NUCKS1: variants seen among roughly 807,000 people sequenced by gnomAD.
The protein encoded by NUCKS1 is nuclear ubiquitous casein and cyclin-dependent kinase substrate 1.
In NUCKS1, 2 loss-of-function variants were observed where a neutral mutation model predicts 33.0. That is an observed-to-expected ratio of 0.06 (90% CI 0.02 to 0.19). NUCKS1 has a LOEUF of 0.19. Among genes scored for constraint, NUCKS1 ranks in the 10% least tolerant of loss-of-function variants. The pLI is 1.00. For missense variants in NUCKS1, 201 were observed against 293.6 expected (o/e 0.68, Z 2.31); for synonymous variants, 106 against 102.8 (o/e 1.03, Z -0.19).
At chr1:205,742,954 T>C (rs1418489257) in intron 1 of NUCKS1, among the ~76,000 whole-genome samples, 1 of 152,178 alleles carries the variant, frequency 6.6e-6, no homozygotes, top group Non-Finnish European at 1.5e-5. Context: ...GAATTTAGAG[T>C]AATACGGTCA....
chr1:205,724,410 T>C (rs1362640942), intron 3 of NUCKS1, among the ~76,000 whole-genome samples: 1 of 152,192 alleles, frequency 6.6e-6, no homozygotes, highest in Non-Finnish European at 1.5e-5. Context: ...AAAGGAACTG[T>C]AGTCCGGGCG....
chr1:205,727,989 G>A (rs1423865482), intron 2 of NUCKS1, among the ~76,000 whole-genome samples, 184 bp from the exon 3 acceptor site: 2 of 151,712 alleles, frequency 1.3e-5, no homozygotes, highest in South Asian at 2.1e-4. Context: ...CCTTCACTTC[G>A]TTTTTGCATA....
intron 1 of NUCKS1, among the ~76,000 whole-genome samples, chr1:205,734,005 A>G (rs1377270257): frequency 2.0e-5 from 3 of 152,078 alleles, no homozygotes; most frequent in African/African-American, 7.2e-5. Context: ...TTGTGGAACT[A>G]CAGAAAGGCA....
intron 1 of NUCKS1, 88 bp downstream of exon 1, chr1:205,749,869 G>C: frequency 7.1e-7 from 1 of 1,400,542 alleles, no homozygotes; most frequent in South Asian, 1.2e-5. Flanking sequence ...ACCGGGGATG[G>C]CGGACTCTAG....
At chr1:205,741,027 C>T (rs1012489493) in intron 1 of NUCKS1, among the ~76,000 whole-genome samples, 3 of 151,548 alleles carry the variant, frequency 2.0e-5, no homozygotes, top group Non-Finnish European at 4.4e-5. Context: ...CACGGCCGGG[C>T]GCGGTGGCTC....
At chr1:205,730,083 T>C (rs1653872086) in intron 1 of NUCKS1, among the ~76,000 whole-genome samples, 1 of 152,028 alleles carries the variant, frequency 6.6e-6, no homozygotes, top group Admixed American at 6.5e-5. Flanking sequence ...AGACAGGGTG[T>C]CACTCTGTCG....
chr1:205,732,642 G>A lies in NUCKS1; in HGVS notation c.18-3021C>T, dbSNP rs569132826. 1.4e-4 allele frequency among the ~76,000 whole-genome samples: 22 copies of A among 151,980 alleles called. No homozygotes were observed. In the South Asian group the frequency reaches 4.0e-3, roughly 27 times the overall value. On this transcript the variant is annotated intron_variant, in intron 1 of 6. Coordinates refer to ENST00000367142, the MANE Select transcript of NUCKS1 (RefSeq NM_022731.5). The stretch of plus-strand genomic sequence containing the variant: ...GTAAAAGTACAAAAATTAGCTGGGC[G>A]TGGTGGTGCGTGCCTGTAGTGCCAG...
chr1:205,716,973 C>T lies in NUCKS1; in HGVS notation c.*1307G>A, dbSNP rs900853124. On this transcript the variant is annotated 3_prime_UTR_variant, in exon 7 of 7. Transcript: ENST00000367142. The stretch of plus-strand genomic sequence containing the variant: ...AAGAGCTAACTGAATTGTATGGGAG[C>T]AGCATTTAACATATTCCTAGTCAAG... 1 of 152,136 alleles carries T rather than the reference C, an allele frequency of 6.6e-6. No homozygotes were observed. Among genetic ancestry groups the T allele is most frequent in the Admixed American group, 6.5e-5 (1 of 15,272 alleles). The allele number at this position is 152,136 out of a possible 1,614,324, so 9.4% of individuals were successfully genotyped here.
chr1:205,732,160 AAGG>A (rs1194581504), intron 1 of NUCKS1, among the ~76,000 whole-genome samples: 2 of 152,220 alleles, frequency 1.3e-5, no homozygotes, highest in Non-Finnish European at 2.9e-5. Context: ...CAAGGCTCTT[AAGG>A]AGTTCCACCT....
Position 205,717,354 on chromosome 1 carries a change from C to T in NUCKS1, c.*926G>A, listed in dbSNP as rs1476538516. The T allele has an allele frequency of 1.0e-6, 1 of 986,178 alleles. No individual in the cohort carries two copies. The highest frequency in any genetic ancestry group is 6.2e-5 in the Admixed American group (1 of 16,180). The allele number at this position is 986,178 out of a possible 1,614,324, so 61.1% of individuals were successfully genotyped here. On this transcript the variant is annotated 3_prime_UTR_variant, in exon 7 of 7. Transcript: ENST00000367142. ...AACATTGTCAGTTTGAAAAGAAATCCACTGTGACCTGTAGACTGATCTTGT... is the reference window on the plus strand; with the variant it reads ...AACATTGTCAGTTTGAAAAGAAATCTACTGTGACCTGTAGACTGATCTTGT...
At position 205,717,640 on chromosome 1, in the gene NUCKS1, C is replaced by G; in HGVS notation, c.*640G>C. The G allele has an allele frequency of 1.0e-6, 1 of 985,242 alleles. No individual in the cohort carries two copies. Among genetic ancestry groups the G allele is most frequent in the Non-Finnish European group, 1.2e-6 (1 of 829,926 alleles). The allele number at this position is 985,242 out of a possible 1,614,324, so 61.0% of individuals were successfully genotyped here. On this transcript the variant is annotated 3_prime_UTR_variant, in exon 7 of 7. Coordinates refer to ENST00000367142, the MANE Select transcript of NUCKS1 (RefSeq NM_022731.5). ...TCAGGTAACCCCATTGCCCACCCTC[C>G]CTACAAGGTAAAAAATGAGTACTTT...
chr1:205,749,127 G>A (rs1302789452), intron 1 of NUCKS1, among the ~76,000 whole-genome samples: 1 of 152,226 alleles, frequency 6.6e-6, no homozygotes, highest in Non-Finnish European at 1.5e-5. Context: ...GCGTACGCGG[G>A]TGAGAGTGGA....
Position 205,729,882 on chromosome 1 carries a change from G to A in NUCKS1, c.18-261C>T, listed in dbSNP as rs934416875. 4.6e-5 allele frequency among the ~76,000 whole-genome samples: 7 copies of A among 152,108 alleles called. No homozygotes were observed. The East Asian group carries it at 1.4e-3, about 29-fold the overall frequency. ...ACTAAAAACACAAAATTAGCCAAGC[G>A]TGGTGGTGCATGCCTGTAATCCCTG... On this transcript the variant is annotated intron_variant, in intron 1 of 6. Coordinates refer to ENST00000367142, the MANE Select transcript of NUCKS1 (RefSeq NM_022731.5).
At chr1:205,745,822 A>G (rs1654306909) in intron 1 of NUCKS1, among the ~76,000 whole-genome samples, 1 of 152,214 alleles carries the variant, frequency 6.6e-6, no homozygotes, top group Admixed American at 6.5e-5. Flanking sequence ...TACTTGTTAC[A>G]GGGTTGTAAT....
intron 1 of NUCKS1, among the ~76,000 whole-genome samples, chr1:205,744,249 T>C (rs919475273): frequency 4.6e-5 from 7 of 152,190 alleles, no homozygotes; most frequent in Non-Finnish European, 5.9e-5. Flanking sequence ...TTGTTCACAG[T>C]GGGATACAAA....
At chr1:205,718,603 C>T in intron 6 of NUCKS1, 124 bp from the exon 7 acceptor site, 1 of 1,367,614 alleles carries the variant, frequency 7.3e-7, no homozygotes, top group Non-Finnish European at 9.9e-7. Flanking sequence ...TTACTAAAAA[C>T]CAAGGTGGGC....
intron 1 of NUCKS1, among the ~76,000 whole-genome samples, chr1:205,748,338 A>G (rs533383470): frequency 6.6e-6 from 1 of 152,256 alleles, no homozygotes; most frequent in South Asian, 2.1e-4. Context: ...TCCTAATTTG[A>G]CCTAATTTGA....
chr1:205,749,512 A>C (rs1307342178), intron 1 of NUCKS1, among the ~76,000 whole-genome samples: 5 of 149,918 alleles, frequency 3.3e-5, no homozygotes, highest in Admixed American at 3.3e-4. Context: ...TCGCTGGGGG[A>C]AGGGGCAATA....
chr1:205,729,439 T>G, intron 2 of NUCKS1, 133 bp downstream of exon 2: 1 of 758,660 alleles, frequency 1.3e-6, no homozygotes, highest in South Asian at 1.5e-5. Context: ...TTGACACAGA[T>G]CATGACATGG....
Sources: gnomAD v4.1 joint callset for allele counts (sites outside exome capture counted in the v4.1 genomes callset) on GRCh38, gnomAD v4.1.1 for gene constraint, MANE v1.5 for transcripts, NCBI Gene and HGNC (gene_info 2026-07-23, HGNC 2026-07-21) for gene names.